The following CDK19 variants were observed in gnomAD, a reference collection of about 807,000 sequenced individuals.
CDK19 encodes the protein cyclin dependent kinase 19.
In CDK19, 20 loss-of-function variants were observed where a neutral mutation model predicts 68.3. That is an observed-to-expected ratio of 0.29 (90% CI 0.21 to 0.43). The LOEUF is 0.43. Ranked by LOEUF, CDK19 falls within the 20% of genes least tolerant of loss-of-function variation. CDK19 has a pLI of 1.00. For synonymous variants in CDK19, 221 were observed against 222.8 expected (o/e 0.99, Z 0.07); for missense variants, 339 against 623.5 (o/e 0.54, Z 4.86).
chr6:110,640,127 G>A (rs372941391), intron 4 of CDK19, among the ~76,000 whole-genome samples: 3 of 151,564 alleles, frequency 2.0e-5, no homozygotes, highest in Non-Finnish European at 2.9e-5. Context: ...AGGCTGAGGC[G>A]GAAGGATTGC....
At chr6:110,688,632 G>A (rs1405256235) in intron 2 of CDK19, among the ~76,000 whole-genome samples, 2 of 152,180 alleles carry the variant, frequency 1.3e-5, no homozygotes, top group Non-Finnish European at 2.9e-5. Context: ...CAGGGAACCT[G>A]GAAATCCAGG....
At chr6:110,793,428 C>A (rs1583114968) in intron 1 of CDK19, among the ~76,000 whole-genome samples, 2 of 152,082 alleles carry the variant, frequency 1.3e-5, no homozygotes, top group East Asian at 3.8e-4. Flanking sequence ...AAAAAATTAT[C>A]CTAAATGTTA....
At chr6:110,655,750 C>T (rs1198461635) in intron 4 of CDK19, among the ~76,000 whole-genome samples, 1 of 152,186 alleles carries the variant, frequency 6.6e-6, no homozygotes, top group Non-Finnish European at 1.5e-5. Flanking sequence ...CACCAGCTGA[C>T]TTCAACCACC....
chr6:110,745,535 AT>A (rs1778017866), intron 2 of CDK19, among the ~76,000 whole-genome samples: 1 of 152,168 alleles, frequency 6.6e-6, no homozygotes, highest in Admixed American at 6.6e-5. Context: ...CTACAGAAAA[AT>A]AGACATTAAT....
At chr6:110,797,587 T>A (rs1014847325) in intron 1 of CDK19, among the ~76,000 whole-genome samples, 1 of 152,100 alleles carries the variant, frequency 6.6e-6, no homozygotes, top group Non-Finnish European at 1.5e-5. Flanking sequence ...AAAGCAGCAA[T>A]GAAAACAAAC....
In CDK19 at chr6:110,719,501, G is replaced by A. The variant is rs529791731; in HGVS notation, c.204+26625C>T. On this transcript the variant is annotated intron_variant, in intron 2 of 12. Transcript: ENST00000368911. Reference sequence around the variant, plus strand: ...ATCTTACCACTGCACTCCAGCCTGGGTGACAGGGTGAGACCCCAACTCAAA... The same window carrying A: ...ATCTTACCACTGCACTCCAGCCTGGATGACAGGGTGAGACCCCAACTCAAA... 1.2e-4 allele frequency among the ~76,000 whole-genome samples: 18 copies of A among 152,178 alleles called. No homozygotes were observed. The South Asian group carries it at 1.7e-3, about 14-fold the overall frequency.
At chr6:110,633,140 A>G (rs1779549991) in intron 5 of CDK19, among the ~76,000 whole-genome samples, 1 of 152,050 alleles carries the variant, frequency 6.6e-6, no homozygotes, top group Admixed American at 6.5e-5. Context: ...AATCACTTGA[A>G]CCCAGGAGGC....
intron 1 of CDK19, among the ~76,000 whole-genome samples, chr6:110,787,098 G>A (rs1019731708): frequency 2.0e-5 from 3 of 152,128 alleles, no homozygotes; most frequent in Non-Finnish European, 4.4e-5. Context: ...AGGGCCAGGC[G>A]CGGTGGCTCA....
At chr6:110,810,979 T>C (rs972992930) in intron 1 of CDK19, among the ~76,000 whole-genome samples, 8 of 152,050 alleles carry the variant, frequency 5.3e-5, no homozygotes, top group Non-Finnish European at 8.8e-5. Context: ...TTTTTGTTTT[T>C]CCTCCCATGG....
chr6:110,646,343 C>A, intron 4 of CDK19: 1 of 1,466,262 alleles, frequency 6.8e-7, no homozygotes, highest in Non-Finnish European at 9.0e-7. Flanking sequence ...ACGGCATGCA[C>A]TTCGAGTGCC....
At chr6:110,645,592 G>A (rs895900341) in intron 4 of CDK19, 3 of 221,142 alleles carry the variant, frequency 1.4e-5, no homozygotes, top group South Asian at 1.4e-4. Flanking sequence ...GGAGGGGACC[G>A]TTCAGATGCA....
intron 12 of CDK19, among the ~76,000 whole-genome samples, chr6:110,616,249 G>A (rs1405736548): frequency 1.3e-5 from 2 of 152,174 alleles, no homozygotes; most frequent in East Asian, 3.9e-4. Flanking sequence ...TTATCTTGAG[G>A]TGGCACTGGG....
chr6:110,628,567 G>A (rs1360856203), intron 6 of CDK19, among the ~76,000 whole-genome samples: 3 of 152,142 alleles, frequency 2.0e-5, no homozygotes, highest in African/African-American at 7.2e-5. Flanking sequence ...CTTAGTGGTC[G>A]TCTGGGTTAT....
At chr6:110,722,516 T>C (rs1267448018) in intron 2 of CDK19, among the ~76,000 whole-genome samples, 2 of 150,402 alleles carry the variant, frequency 1.3e-5, no homozygotes, top group Admixed American at 6.6e-5. Context: ...CTAGGCAATA[T>C]AGTGAGATCT....
chr6:110,725,507 A>G (rs1776253613), intron 2 of CDK19, among the ~76,000 whole-genome samples: 1 of 152,192 alleles, frequency 6.6e-6, no homozygotes, highest in South Asian at 2.1e-4. Context: ...AAGATTTAAA[A>G]TATCTTAGCA....
At chr6:110,631,869 A>G (rs896123131) in intron 6 of CDK19, among the ~76,000 whole-genome samples, 161 bp downstream of exon 6, 2 of 152,252 alleles carry the variant, frequency 1.3e-5, no homozygotes, top group African/African-American at 4.8e-5. Flanking sequence ...TCTCCTATAC[A>G]GTTAACAATC....
At chr6:110,691,571 C>T (rs114493200) in intron 2 of CDK19, among the ~76,000 whole-genome samples, 1,953 of 152,098 alleles carry the variant, frequency 0.013, 54 homozygotes, top group African/African-American at 0.045. Flanking sequence ...TTCACCTGAC[C>T]TCAGGAGTTT....
intron 2 of CDK19, among the ~76,000 whole-genome samples, chr6:110,735,565 T>G (rs1777187728): frequency 2.0e-5 from 3 of 152,180 alleles, no homozygotes; most frequent in Admixed American, 2.0e-4. Context: ...AAACTAAGAT[T>G]CACAGGAATT....
chr6:110,792,641 A>G (rs1218396972), intron 1 of CDK19, among the ~76,000 whole-genome samples: 3 of 152,206 alleles, frequency 2.0e-5, no homozygotes, highest in Admixed American at 2.0e-4. Flanking sequence ...TCCTGACCTC[A>G]GGTGATCCAC....
Sources: allele counts gnomAD v4.1 joint callset (sites outside exome capture counted in the v4.1 genomes callset), GRCh38; gene constraint gnomAD v4.1.1; transcripts MANE v1.5; gene names NCBI Gene and HGNC (gene_info 2026-07-23, HGNC 2026-07-21).